The following PLEKHM1 variants were observed in gnomAD, a reference collection of about 807,000 sequenced individuals.
PLEKHM1 encodes pleckstrin homology and RUN domain containing M1, also known as pleckstrin homology domain-containing family M member 1.
Under a neutral mutation model 94.3 loss-of-function variants are expected in PLEKHM1, and 28 were observed. That is an observed-to-expected ratio of 0.30 (90% CI 0.22 to 0.41). The LOEUF is 0.41. Ranked by LOEUF, PLEKHM1 falls within the 10% of genes least tolerant of loss-of-function variation. The probability of loss-of-function intolerance (pLI) is 1.00; values close to 1 mark genes in which losing one functional copy is unlikely to be tolerated. For synonymous variants in PLEKHM1, 424 were observed against 581.2 expected, an observed-to-expected ratio of 0.73 and a Z score of 3.89; for missense variants, 907 against 1,358.6, an observed-to-expected ratio of 0.67 and a Z score of 5.22.
chr17:45,464,408 C>A (rs1191255087), intron 5 of PLEKHM1, among the ~76,000 whole-genome samples: 2 of 152,176 alleles, frequency 1.3e-5, no homozygotes, highest in Non-Finnish European at 2.9e-5. Flanking sequence ...TTGACAGCGA[C>A]CCCAACATCT....
chr17:45,452,201 G>A (rs1301576746), intron 7 of PLEKHM1, among the ~76,000 whole-genome samples: 3 of 151,930 alleles, frequency 2.0e-5, no homozygotes, highest in African/African-American at 7.3e-5. Flanking sequence ...GCAGGGGGAT[G>A]TCACTCAACC....
At chr17:45,435,816 G>T (rs1448508219), downstream of PLEKHM1, 2 of 393,316 alleles carry the variant, frequency 5.1e-6, no homozygotes, top group African/African-American at 2.1e-5. Flanking sequence ...TAACATGAGG[G>T]TAGGGGACCC....
chr17:45,471,026 G>A lies in PLEKHM1; in HGVS notation c.924-2433C>T, dbSNP rs2051492719. On this transcript the variant is annotated intron_variant, in intron 4 of 11. Coordinates refer to ENST00000430334, the MANE Select transcript of PLEKHM1 (RefSeq NM_014798.3). Reference sequence around the variant, plus strand: ...GTAAAAAGACAATTCAAAGAATGGGGGGAAATATTTTTAAATTATACAGAA... The same window carrying A: ...GTAAAAAGACAATTCAAAGAATGGGAGGAAATATTTTTAAATTATACAGAA... Among the ~76,000 whole-genome samples the A allele has an allele frequency of 5.3e-5, 8 of 152,066 alleles. No homozygotes were observed. In the South Asian group the frequency reaches 1.7e-3, roughly 32 times the overall value.
chr17:45,469,010 G>C (rs901407605), intron 4 of PLEKHM1, among the ~76,000 whole-genome samples: 1 of 148,376 alleles, frequency 6.7e-6, no homozygotes, highest in Non-Finnish European at 1.5e-5. Context: ...ACAGGGAGTA[G>C]AGATGCCAGG....
At chr17:45,468,070 T>G in intron 5 of PLEKHM1, 139 bp downstream of exon 5, 1 of 836,664 alleles carries the variant, frequency 1.2e-6, no homozygotes, top group Non-Finnish European at 2.0e-6. Flanking sequence ...ATCATCATGA[T>G]GCTATTAACA....
chr17:45,443,594 C>T lies in PLEKHM1; in HGVS notation c.2837+1876G>A, dbSNP rs529668909. On this transcript the variant is annotated intron_variant, in intron 9 of 11. Transcript: ENST00000430334. ...GCCCACAGAGACAGGTCTGTAAAGCCGATGAACAGACTCTCTCAGCAGGGT... is the reference window on the plus strand; with the variant it reads ...GCCCACAGAGACAGGTCTGTAAAGCTGATGAACAGACTCTCTCAGCAGGGT... 7.2e-5 allele frequency among the ~76,000 whole-genome samples: 11 copies of T among 152,232 alleles called. No individual in the cohort carries two copies. In the South Asian group the frequency reaches 1.4e-3, roughly 20 times the overall value.
At chr17:45,441,545 C>T (rs2050447344) in intron 9 of PLEKHM1, among the ~76,000 whole-genome samples, 2 of 152,174 alleles carry the variant, frequency 1.3e-5, no homozygotes, top group Admixed American at 6.5e-5. Context: ...GGAGGGTGGG[C>T]GGATCTGGAT....
chr17:45,470,399 C>T (rs539421986), intron 4 of PLEKHM1, among the ~76,000 whole-genome samples: 45 of 152,378 alleles, frequency 3.0e-4, no homozygotes, highest in African/African-American at 7.5e-4. Flanking sequence ...GAGGCCAAGG[C>T]GGGTGGATCA....
chr17:45,446,811 G>C (rs2050621135), intron 8 of PLEKHM1, among the ~76,000 whole-genome samples: 1 of 152,178 alleles, frequency 6.6e-6, no homozygotes, highest in Non-Finnish European at 1.5e-5. Context: ...TTCGGAGTCA[G>C]AATGGAATTG....
chr17:45,470,561 G>T (rs1224975443), intron 4 of PLEKHM1, among the ~76,000 whole-genome samples: 1 of 151,562 alleles, frequency 6.6e-6, no homozygotes, highest in Non-Finnish European at 1.5e-5. Context: ...CCCGGGACGG[G>T]GAGGCTGCAG....
In PLEKHM1 at chr17:45,450,145, C is replaced by T. The variant is rs566787009; in HGVS notation, c.2643+473G>A. Among the ~76,000 whole-genome samples the T allele has an allele frequency of 9.9e-5, 15 of 152,002 alleles. 1 individual carries two copies. In the South Asian group the frequency reaches 3.1e-3, roughly 32 times the overall value. ...GCCGCCTGCTCATCCACCTAGCCAC[C>T]TGCTCATTCACCTACCTACCTATCC... is the stretch of plus-strand genomic sequence containing the variant. On this transcript the variant is annotated intron_variant, in intron 8 of 11. Coordinates refer to ENST00000430334, the MANE Select transcript of PLEKHM1 (RefSeq NM_014798.3).
At chr17:45,440,280 C>A in intron 9 of PLEKHM1, 54 bp from the exon 10 acceptor site, 6 of 1,573,164 alleles carry the variant, frequency 3.8e-6, no homozygotes, top group Non-Finnish European at 5.2e-6. Context: ...CCCAGGCTAG[C>A]CTGTGTTGTT....
At chr17:45,457,516 CAT>C (rs1280738501) in intron 6 of PLEKHM1, among the ~76,000 whole-genome samples, 2 of 148,996 alleles carry the variant, frequency 1.3e-5, no homozygotes, top group African/African-American at 5.0e-5. Context: ...GCTGAGATCA[CAT>C]GATTGCACTC....
In PLEKHM1 at chr17:45,436,830, G is replaced by A. The variant is rs542167583; in HGVS notation, c.*1028C>T. 1.1e-5 allele frequency: 5 copies of A among 454,180 alleles called. No homozygotes were observed. The highest frequency in any genetic ancestry group is 2.2e-5 in the Non-Finnish European group (5 of 226,796). 28.1% of individuals were successfully genotyped at this position (454,180 alleles called of 1,614,324 possible). On this transcript the variant is annotated 3_prime_UTR_variant, in exon 12 of 12. Coordinates refer to ENST00000430334, the MANE Select transcript of PLEKHM1 (RefSeq NM_014798.3). The stretch of plus-strand genomic sequence containing the variant: ...TCCCCCGCACGCCCTGCACAGCTTA[G>A]GACCAGGTCACTTCTCCACAGTGCA...
intron 5 of PLEKHM1, among the ~76,000 whole-genome samples, chr17:45,464,533 G>T (rs554330890): frequency 1.3e-4 from 20 of 152,208 alleles, no homozygotes; most frequent in Non-Finnish European, 2.9e-4. Flanking sequence ...CAGGCCAGGA[G>T]CCCAGCAGGC....
intron 7 of PLEKHM1, among the ~76,000 whole-genome samples, chr17:45,452,186 C>T (rs1377660769): frequency 2.0e-5 from 3 of 152,012 alleles, no homozygotes; most frequent in African/African-American, 7.3e-5. Context: ...AACAATGGAA[C>T]ATGGGCAGGG....
chr17:45,473,346 T>G (rs569340404), intron 4 of PLEKHM1, among the ~76,000 whole-genome samples: 155 of 152,008 alleles, frequency 1.0e-3, no homozygotes, highest in African/African-American at 3.4e-3. Flanking sequence ...CCCCAGCAAT[T>G]TGGGAGCCTG....
chr17:45,439,732 G>A (rs1297381215), intron 10 of PLEKHM1, 98 bp from the exon 11 acceptor site: 1 of 1,497,414 alleles, frequency 6.7e-7, no homozygotes, highest in Non-Finnish European at 9.2e-7. Context: ...CTGCACTGAG[G>A]TGCCATGGCA....
At chr17:45,479,009 G>A (rs1213709894) in intron 2 of PLEKHM1, among the ~76,000 whole-genome samples, 1 of 112,452 alleles carries the variant, frequency 8.9e-6, no homozygotes, top group Non-Finnish European at 1.8e-5. Flanking sequence ...CCTGAGGACA[G>A]GACTACCTTT....
Sources: allele counts gnomAD v4.1 joint callset (sites outside exome capture counted in the v4.1 genomes callset), GRCh38; gene constraint gnomAD v4.1.1; transcripts MANE v1.5; gene names NCBI Gene and HGNC (gene_info 2026-07-23, HGNC 2026-07-21).